The following DCLK2 variants were observed in gnomAD, a reference collection of about 807,000 sequenced individuals.
DCLK2 encodes the protein doublecortin like kinase 2.
Under a neutral mutation model 78.4 loss-of-function variants are expected in DCLK2, and 31 were observed. The ratio of observed to expected loss-of-function variants is 0.40; its 90% confidence interval spans 0.30 to 0.53. The LOEUF (loss-of-function observed/expected upper bound fraction) is 0.53. Among genes scored for constraint, DCLK2 ranks in the 20% least tolerant of loss-of-function variants. The pLI is 0.61. For synonymous variants in DCLK2, 407 were observed against 374.9 expected (o/e 1.09, Z -0.99); for missense variants, 872 against 973.7 (o/e 0.90, Z 1.39).
intron 2 of DCLK2, among the ~76,000 whole-genome samples, chr4:150,186,052 T>C (rs185113309): frequency 6.6e-6 from 1 of 152,350 alleles, no homozygotes; most frequent in Admixed American, 6.5e-5. Context: ...CCCTCGTTTG[T>C]ATAGCTTGCT....
intron 1 of DCLK2, among the ~76,000 whole-genome samples, chr4:150,082,814 G>A (rs1342278854): frequency 6.6e-6 from 1 of 152,122 alleles, no homozygotes; most frequent in Admixed American, 6.5e-5. Context: ...CCTAGTCTTA[G>A]TTCTGTTCCG....
In DCLK2 at chr4:150,220,703, C is replaced by T; in HGVS notation, c.1057C>T (p.Gln353Ter). Reference sequence around the variant, plus strand: ...AATAATGGTCATTCTCCTCTTTCAGCAGATTTCTGCTCATGGCAGATCTTC... The same window carrying T: ...AATAATGGTCATTCTCCTCTTTCAGTAGATTTCTGCTCATGGCAGATCTTC... ...TSPGSFRGLK[Q>*]ISAHGRSSSN... is the part of the protein sequence containing the mutation. Residue 353 changes from glutamine to a stop codon, truncating the protein, a stop_gained and splice_region_variant, in exon 6 of 16, where the codon CAG (glutamine) becomes TAG (stop). Transcript: ENST00000296550. LOFTEE classifies it high-confidence loss of function. 6.2e-7 allele frequency: 1 copy of T among 1,612,418 alleles called. No individual in the cohort carries two copies.
At chr4:150,179,064 G>A (rs1308000713) in intron 2 of DCLK2, among the ~76,000 whole-genome samples, 1 of 152,114 alleles carries the variant, frequency 6.6e-6, no homozygotes, top group Non-Finnish European at 1.5e-5. Flanking sequence ...GTCTCACTCT[G>A]TTGCCCAGGC....
chr4:150,163,117 G>T (rs1735823110), intron 2 of DCLK2, among the ~76,000 whole-genome samples: 1 of 152,110 alleles, frequency 6.6e-6, no homozygotes, highest in Admixed American at 6.6e-5. Context: ...GTCATTTAAG[G>T]CTGGGCTCGG....
chr4:150,099,517 A>G (rs1355414682), intron 1 of DCLK2, among the ~76,000 whole-genome samples: 1 of 152,246 alleles, frequency 6.6e-6, no homozygotes, highest in Non-Finnish European at 1.5e-5. Context: ...AAGACAAGCT[A>G]GCTTGGGTAC....
intron 2 of DCLK2, among the ~76,000 whole-genome samples, chr4:150,128,945 A>G (rs1362443630): frequency 6.6e-6 from 1 of 152,208 alleles, no homozygotes. Context: ...AGTTTGTGGC[A>G]GAACAGATAT....
chr4:150,108,620 A>G (rs1264655091), intron 2 of DCLK2, among the ~76,000 whole-genome samples: 5 of 152,268 alleles, frequency 3.3e-5, no homozygotes, highest in South Asian at 2.1e-4. Flanking sequence ...ATTGTATAGG[A>G]AAACAAATTT....
chr4:150,109,388 G>A (rs1731498059), intron 2 of DCLK2, among the ~76,000 whole-genome samples: 1 of 150,732 alleles, frequency 6.6e-6, no homozygotes, highest in Admixed American at 6.6e-5. Flanking sequence ...AGGCTGGAGT[G>A]CAGTGGCATG....
intron 12 of DCLK2, 120 bp downstream of exon 12, chr4:150,240,596 A>C: frequency 4.1e-6 from 1 of 241,944 alleles, no homozygotes; most frequent in Non-Finnish European, 7.9e-6. Flanking sequence ...GTTAAAAATT[A>C]CATAAAACGG....
chr4:150,229,910 A>G (rs1223329061), intron 8 of DCLK2, among the ~76,000 whole-genome samples: 1 of 152,222 alleles, frequency 6.6e-6, no homozygotes, highest in African/African-American at 2.4e-5. Flanking sequence ...AATTTAGTCT[A>G]GAGAGCATTT....
intron 2 of DCLK2, among the ~76,000 whole-genome samples, chr4:150,133,426 A>G (rs1476260719): frequency 6.6e-6 from 1 of 152,248 alleles, no homozygotes; most frequent in African/African-American, 2.4e-5. Flanking sequence ...GAATCTGTGA[A>G]TAATGAGCAT....
At chr4:150,133,908 G>A (rs1733504670) in intron 2 of DCLK2, among the ~76,000 whole-genome samples, 1 of 152,004 alleles carries the variant, frequency 6.6e-6, no homozygotes, top group Non-Finnish European at 1.5e-5. Context: ...TGCTTTTCAA[G>A]GAAACTCATG....
In DCLK2 at chr4:150,256,320, C is replaced by A; in HGVS notation, c.*73C>A. The A allele has an allele frequency of 6.9e-7, 1 of 1,440,206 alleles. No homozygotes were observed. The highest frequency in any genetic ancestry group is 9.1e-7 in the Non-Finnish European group (1 of 1,100,644). The allele number at this position is 1,440,206 out of a possible 1,614,324, so 89.2% of individuals were successfully genotyped here. A position where few individuals can be genotyped will look rare whatever the true frequency, so the allele number is the denominator to read the frequency against. On this transcript the variant is annotated 3_prime_UTR_variant, in exon 16 of 16. Transcript: ENST00000296550. ...CCCTCTGCTCGGCCTCGCCGGCCTC[C>A]CTGCTGCAGGCCTCCCTCTCTTCAC...
intron 2 of DCLK2, among the ~76,000 whole-genome samples, chr4:150,104,394 TAAAAAAAA>T (rs34276664): frequency 4.0e-4 from 12 of 29,762 alleles, no homozygotes; most frequent in Admixed American, 1.9e-3. Context: ...CCACATCTCC[TAAAAAAAA>T]AAAAAAAAAA....
chr4:150,243,313 A>G (rs1743063329), intron 12 of DCLK2, among the ~76,000 whole-genome samples: 1 of 152,168 alleles, frequency 6.6e-6, no homozygotes, highest in Non-Finnish European at 1.5e-5. Flanking sequence ...TAGCTTTTAA[A>G]AATTAAGACA....
intron 1 of DCLK2, among the ~76,000 whole-genome samples, chr4:150,093,266 A>T (rs1305172214): frequency 6.6e-6 from 1 of 152,260 alleles, no homozygotes; most frequent in African/African-American, 2.4e-5. Context: ...TAAAGAATAC[A>T]CAAATACATG....
chr4:150,129,856 G>A (rs4298120), intron 2 of DCLK2, among the ~76,000 whole-genome samples: 48,314 of 151,754 alleles, frequency 0.32, 8,192 homozygotes, highest in African/African-American at 0.44. Context: ...TCTTAACTAT[G>A]GAAAAGGAAA....
At chr4:150,252,819 A>G (rs558888337) in intron 15 of DCLK2, among the ~76,000 whole-genome samples, 1 of 152,294 alleles carries the variant, frequency 6.6e-6, no homozygotes, top group South Asian at 2.1e-4. Context: ...CTCTAACCCC[A>G]TGTTACCTAC....
chr4:150,256,081 G>A lies in DCLK2; in HGVS notation c.2135G>A (p.Arg712Lys), dbSNP rs751945233. Reference protein sequence around the residue: ...FCSKHCQDSGRPGMEPISPVP... With the variant: ...FCSKHCQDSGKPGMEPISPVP... Reference sequence around the variant, plus strand: ...AGCAAGCACTGTCAAGACAGCGGCAGGCCTGGGATGGAGCCCATCTCTCCA... The same window carrying A: ...AGCAAGCACTGTCAAGACAGCGGCAAGCCTGGGATGGAGCCCATCTCTCCA... Residue 712 changes from arginine to lysine, a missense_variant, in exon 16 of 16, where the codon AGG becomes AAG. By Grantham distance (26) the Arg-to-Lys change is conservative. Transcript: ENST00000296550. 6.2e-7 allele frequency: 1 copy of A among 1,613,108 alleles called. No homozygotes were observed. The highest frequency in any genetic ancestry group is 8.5e-7 in the Non-Finnish European group (1 of 1,179,928).
Sources: gnomAD v4.1 joint callset for allele counts (sites outside exome capture counted in the v4.1 genomes callset) on GRCh38, gnomAD v4.1.1 for gene constraint, MANE v1.5 for transcripts, NCBI Gene and HGNC (gene_info 2026-07-23, HGNC 2026-07-21) for gene names.